Variants in ITGB3 observed in about 807,000 individuals in gnomAD.
The protein encoded by ITGB3 is integrin subunit beta 3.
ITGB3 carries 48 observed loss-of-function variants against 85.8 expected under a neutral mutation model. That is an observed-to-expected ratio of 0.56 (90% CI 0.44 to 0.71). The LOEUF (loss-of-function observed/expected upper bound fraction) is 0.71, where lower values mean the gene tolerates loss of function less well. ITGB3 is among the 30% of genes least tolerant of loss of function. The probability of loss-of-function intolerance (pLI) is 0.00; values close to 1 mark genes in which losing one functional copy is unlikely to be tolerated. For synonymous variants in ITGB3, 363 were observed against 395.6 expected (o/e 0.92, Z 0.98); for missense variants, 861 against 1,019.1 (o/e 0.84, Z 2.11).
At position 47,310,574 on chromosome 17, in the gene ITGB3, C is replaced by T. The variant is rs1032269668; in HGVS notation, c.*370C>T. On this transcript the variant is annotated 3_prime_UTR_variant, in exon 15 of 15. Coordinates refer to ENST00000559488, the MANE Select transcript of ITGB3 (RefSeq NM_000212.3). ...GAGAAGCCAGCTTTCCTCATCAGGC[C>T]ATTGTCCCTGAAGAGAAGGGCAGGG... 81 of 362,744 alleles carry T rather than the reference C, an allele frequency of 2.2e-4. 1 individual carries two copies. Among genetic ancestry groups the T allele is most frequent in the Non-Finnish European group, 7.0e-5 (13 of 186,358 alleles). 22.5% of individuals were successfully genotyped at this position (362,744 alleles called of 1,614,324 possible). A position where few individuals can be genotyped will look rare whatever the true frequency, so the allele number is the denominator to read the frequency against.
At chr17:47,298,168 C>A (rs2065152724) in intron 10 of ITGB3, among the ~76,000 whole-genome samples, 1 of 152,122 alleles carries the variant, frequency 6.6e-6, no homozygotes, top group Non-Finnish European at 1.5e-5. Flanking sequence ...ATTTCTCCAC[C>A]TGTTGAGTGC....
chr17:47,262,662 A>G (rs2065012484), intron 1 of ITGB3, among the ~76,000 whole-genome samples: 1 of 152,256 alleles, frequency 6.6e-6, no homozygotes, highest in South Asian at 2.1e-4. Context: ...AGATCATACA[A>G]CTGGCTCAGT....
chr17:47,270,912 T>G (rs1388315316), intron 1 of ITGB3, among the ~76,000 whole-genome samples: 2 of 152,136 alleles, frequency 1.3e-5, no homozygotes, highest in Non-Finnish European at 2.9e-5. Context: ...CATTTACATG[T>G]TTTATATTGG....
At chr17:47,290,040 A>G (rs543237318) in intron 7 of ITGB3, 145 bp from the exon 8 acceptor site, 16 of 768,912 alleles carry the variant, frequency 2.1e-5, no homozygotes, top group Non-Finnish European at 3.7e-5. Context: ...AAAAACTGCT[A>G]GATATATTCC....
At chr17:47,268,693 A>G (rs931732792) in intron 1 of ITGB3, among the ~76,000 whole-genome samples, 12 of 152,108 alleles carry the variant, frequency 7.9e-5, no homozygotes, top group African/African-American at 2.9e-4. Flanking sequence ...AGCCACTTTC[A>G]TGGGCTGGCA....
chr17:47,260,990 C>T (rs1434817531), intron 1 of ITGB3, among the ~76,000 whole-genome samples: 1 of 152,164 alleles, frequency 6.6e-6, no homozygotes, highest in Non-Finnish European at 1.5e-5. Context: ...ACTTAAAAAT[C>T]TCCTCCCAGC....
At chr17:47,303,048 T>TG (rs2065173385) in intron 13 of ITGB3, among the ~76,000 whole-genome samples, 1 of 152,084 alleles carries the variant, frequency 6.6e-6, no homozygotes, top group Admixed American at 6.5e-5. Flanking sequence ...AGGAGTTCAA[T>TG]ACCAGCCTGG....
intron 2 of ITGB3, among the ~76,000 whole-genome samples, chr17:47,278,454 C>T (rs984759119): frequency 2.6e-5 from 4 of 152,118 alleles, no homozygotes; most frequent in African/African-American, 7.2e-5. Context: ...GTGGCGCAGG[C>T]CTGTAACCCC....
At chr17:47,280,546 G>A (rs143139130) in intron 2 of ITGB3, among the ~76,000 whole-genome samples, 5,290 of 152,220 alleles carry the variant, frequency 0.035, 296 homozygotes, top group African/African-American at 0.12. Context: ...TAGTGGAGAC[G>A]GGGTTTTGCC....
At chr17:47,260,611 C>A (rs1167726107) in intron 1 of ITGB3, among the ~76,000 whole-genome samples, 4 of 152,178 alleles carry the variant, frequency 2.6e-5, no homozygotes, top group Non-Finnish European at 5.9e-5. Context: ...CCAACTTTAG[C>A]CATCGCACGT....
Position 47,289,912 on chromosome 17 carries a change from T to G in ITGB3, c.1035+136T>G. The G allele has an allele frequency of 4.0e-6, 3 of 745,306 alleles. No homozygotes were observed. In the South Asian group the frequency reaches 4.4e-5, roughly 11 times the overall value. The allele number at this position is 745,306 out of a possible 1,614,324, so 46.2% of individuals were successfully genotyped here. On this transcript the variant is annotated intron_variant, in intron 7 of 14. Coordinates refer to ENST00000559488, the MANE Select transcript of ITGB3 (RefSeq NM_000212.3). ...AATCCACTCCCCAGGAGCTAAAGAT[T>G]GCACTCTGGGCCTTTTTCCTGCAAT... is the stretch of plus-strand genomic sequence containing the variant.
Position 47,291,001 on chromosome 17 carries a change from G to T in ITGB3, c.1173G>T (p.Glu391Asp). The T allele has an allele frequency of 1.9e-6, 3 of 1,614,134 alleles. No homozygotes were observed. Among genetic ancestry groups the T allele is most frequent in the Non-Finnish European group, 2.5e-6 (3 of 1,179,984 alleles). The change falls in exon 9 of 15, where the codon GAG (glutamate) becomes GAT (aspartate). Residue 391 changes from glutamate to aspartate, a missense_variant. Physicochemically the swap from Glu to Asp is conservative, Grantham distance 45. Coordinates refer to ENST00000559488, the MANE Select transcript of ITGB3 (RefSeq NM_000212.3). ...TGGAAGTGCGTGACCTCCCTGAAGA[G>T]TTGTCTCTATCCTTCAATGCCACCT... ...VELEVRDLPEELSLSFNATCL... is the reference protein window; with the variant it reads ...VELEVRDLPEDLSLSFNATCL...
intron 14 of ITGB3, 90 bp from the exon 15 acceptor site, chr17:47,310,049 T>G (rs2065207232): frequency 2.7e-6 from 3 of 1,128,302 alleles, no homozygotes; most frequent in Middle Eastern, 3.9e-4. Context: ...AACGGTGCCT[T>G]GGGAAAACTT....
In ITGB3 at chr17:47,287,128, A is replaced by T. The variant is rs79775494; in HGVS notation, c.836A>T (p.Lys279Met). The change falls in exon 6 of 15, where the codon AAG becomes ATG. Residue 279 changes from lysine (K) to methionine (M), a missense_variant. Transcript: ENST00000559488. ...SHLLVFTTDA[K>M]THIALDGRLA... ...TTGCTGGTGTTTACCACTGATGCCA[A>T]GACTCATATAGCATTGGACGGAAGG... 3 of 1,613,978 alleles carry T rather than the reference A, an allele frequency of 1.9e-6. No individual in the cohort carries two copies. The African/African-American group carries it at 4.0e-5, about 22-fold the overall frequency.
intron 4 of ITGB3, 139 bp downstream of exon 4, chr17:47,284,834 T>C: frequency 8.4e-7 from 1 of 1,196,706 alleles, no homozygotes; most frequent in Non-Finnish European, 1.2e-6. Flanking sequence ...TTGGTCTCCC[T>C]GTTTGGCAAA....
At chr17:47,297,474 G>A (rs1427204407) in intron 10 of ITGB3, among the ~76,000 whole-genome samples, 1 of 152,108 alleles carries the variant, frequency 6.6e-6, no homozygotes, top group African/African-American at 2.4e-5. Flanking sequence ...TGGCCAACAT[G>A]GTGAGACCCC....
rs1013159150 is a variant in ITGB3 at position 47,274,520 on chromosome 17, C to T, written c.165+16C>T. 1 of 1,609,372 alleles carries T rather than the reference C, an allele frequency of 6.2e-7. No homozygotes were observed. The highest frequency in any genetic ancestry group is 1.1e-5 in the South Asian group (1 of 90,920). On this transcript the variant is annotated intron_variant, in intron 2 of 14. Coordinates refer to ENST00000559488, the MANE Select transcript of ITGB3 (RefSeq NM_000212.3). ...CTCTGATGAGGTAAGGAGCAGATACCAGACCTTGTTTCTTCTCCAGACTAA... is the reference window on the plus strand; with the variant it reads ...CTCTGATGAGGTAAGGAGCAGATACTAGACCTTGTTTCTTCTCCAGACTAA...
chr17:47,259,727 C>G (rs1260362248), intron 1 of ITGB3, among the ~76,000 whole-genome samples: 1 of 152,136 alleles, frequency 6.6e-6, no homozygotes, highest in Non-Finnish European at 1.5e-5. Flanking sequence ...TGGAGAAACC[C>G]TGTCTCTACT....
intron 7 of ITGB3, 69 bp from the exon 8 acceptor site, chr17:47,290,116 T>C: frequency 1.7e-6 from 2 of 1,143,072 alleles, no homozygotes; most frequent in South Asian, 2.4e-5. Flanking sequence ...TCAGTGGGAT[T>C]TGGGGAGGGC....
Sources: allele counts gnomAD v4.1 joint callset (sites outside exome capture counted in the v4.1 genomes callset), GRCh38; gene constraint gnomAD v4.1.1; transcripts MANE v1.5; gene names NCBI Gene and HGNC (gene_info 2026-07-23, HGNC 2026-07-21).